Variants in AKAP12 observed in about 807,000 individuals in gnomAD.
The protein encoded by AKAP12 is A-kinase anchoring protein 12, also known as A-kinase anchor protein 12.
In AKAP12, 32 loss-of-function variants were observed where a neutral mutation model predicts 79.9. That is an observed-to-expected ratio of 0.40 (90% confidence interval 0.30 to 0.54). The LOEUF (loss-of-function observed/expected upper bound fraction) is 0.54, where lower values mean the gene tolerates loss of function less well. Among genes scored for constraint, AKAP12 ranks in the 20% least tolerant of loss-of-function variants. The pLI, the probability that AKAP12 is intolerant of heterozygous loss-of-function variation, is 0.48. For synonymous variants in AKAP12, 808 were observed against 857.0 expected (o/e 0.94, Z 1.00); for missense variants, 2,074 against 2,177.0 (o/e 0.95, Z 0.94).
At chr6:151,332,237 C>T (rs575110682) in intron 3 of AKAP12, among the ~76,000 whole-genome samples, 24 of 151,862 alleles carry the variant, frequency 1.6e-4, no homozygotes, top group South Asian at 1.0e-3. Flanking sequence ...GGGGTTTCAC[C>T]GTGTTAGCCA....
At chr6:151,263,548 C>T (rs1199000407) in intron 2 of AKAP12, among the ~76,000 whole-genome samples, 1 of 152,042 alleles carries the variant, frequency 6.6e-6, no homozygotes, top group South Asian at 2.1e-4. Flanking sequence ...CATTTTTACT[C>T]ACTATACTCT....
intron 3 of AKAP12, among the ~76,000 whole-genome samples, chr6:151,314,594 G>C (rs1777196159): frequency 6.6e-6 from 1 of 152,148 alleles, no homozygotes; most frequent in South Asian, 2.1e-4. Context: ...AAATGCCATA[G>C]CTGCTTGCCC....
intron 4 of AKAP12, among the ~76,000 whole-genome samples, chr6:151,354,407 T>G (rs563437748): frequency 1.1e-3 from 169 of 152,328 alleles, no homozygotes; most frequent in African/African-American, 3.8e-3. Context: ...GGAGTCTCGC[T>G]CTGTCATCCA....
chr6:151,354,086 G>GT (rs1180559016), intron 4 of AKAP12, among the ~76,000 whole-genome samples: 1 of 151,434 alleles, frequency 6.6e-6, no homozygotes, highest in Non-Finnish European at 1.5e-5. Context: ...CAACTATCTT[G>GT]TTGAGTTTTT....
At position 151,352,315 on chromosome 6, in the gene AKAP12, G is replaced by A; in HGVS notation, c.3924G>A (p.Gly1308=). ...KVTEVALKGE[G]TEEAECKKDD... is the part of the protein sequence containing the mutation. ...CTGAAGTTGCCCTTAAAGGTGAAGG[G>A]ACAGAAGAAGCTGAATGTAAAAAGG... Residue 1308 remains glycine, a synonymous_variant, in exon 4 of 5, where the codon GGG becomes GGA. Coordinates refer to ENST00000402676, the MANE Select transcript of AKAP12 (RefSeq NM_005100.4). 6.2e-7 allele frequency: 1 copy of A among 1,614,178 alleles called. No homozygotes were observed. The highest frequency in any genetic ancestry group is 8.5e-7 in the Non-Finnish European group (1 of 1,180,044).
chr6:151,328,184 C>T lies in AKAP12; in HGVS notation c.320-20527C>T, dbSNP rs182520256. ...CTAGTAAAAATACAAAAAAATTAGCCGGGTGTGGTGGCGGGTGCCTGTAGT... is the reference window on the plus strand; with the variant it reads ...CTAGTAAAAATACAAAAAAATTAGCTGGGTGTGGTGGCGGGTGCCTGTAGT... On this transcript the variant is annotated intron_variant, in intron 3 of 4. Transcript: ENST00000402676. 4.6e-4 allele frequency among the ~76,000 whole-genome samples: 69 copies of T among 150,970 alleles called. No homozygotes were observed. In the East Asian group the frequency reaches 9.0e-3, roughly 20 times the overall value.
chr6:151,353,777 A>C, intron 4 of AKAP12, 25 bp downstream of exon 4: 1 of 1,468,248 alleles, frequency 6.8e-7, no homozygotes, highest in South Asian at 1.5e-5. Flanking sequence ...CTTCTAAGAT[A>C]ATTTTTCTCT....
At chr6:151,259,807 C>T (rs1797383266) in intron 2 of AKAP12, among the ~76,000 whole-genome samples, 1 of 151,848 alleles carries the variant, frequency 6.6e-6, no homozygotes, top group Admixed American at 6.6e-5. Flanking sequence ...GAACTCCTGG[C>T]CTCAAGTGAT....
chr6:151,274,029 A>G (rs2114715250), intron 2 of AKAP12, among the ~76,000 whole-genome samples: 1 of 151,322 alleles, frequency 6.6e-6, no homozygotes, highest in African/African-American at 2.4e-5. Context: ...ACTCTGTCTC[A>G]AAAACAAAAA....
At chr6:151,283,536 T>C (rs1243968046) in intron 2 of AKAP12, among the ~76,000 whole-genome samples, 1 of 152,216 alleles carries the variant, frequency 6.6e-6, no homozygotes, top group Non-Finnish European at 1.5e-5. Flanking sequence ...GACTAGTGCT[T>C]ACTGTGTCAG....
chr6:151,354,664 G>T (rs770188981), intron 4 of AKAP12, among the ~76,000 whole-genome samples: 54 of 151,728 alleles, frequency 3.6e-4, no homozygotes, highest in African/African-American at 1.3e-3. Flanking sequence ...GAGCCACCAC[G>T]CCCAGCCCTA....
chr6:151,290,697 C>T (rs554759982), intron 2 of AKAP12, among the ~76,000 whole-genome samples: 4 of 152,214 alleles, frequency 2.6e-5, no homozygotes, highest in African/African-American at 9.6e-5. Flanking sequence ...CCTCTGCCTC[C>T]CAGGTTCAAG....
chr6:151,351,713 C>A lies in AKAP12; in HGVS notation c.3322C>A (p.Gln1108Lys). 1.9e-6 allele frequency: 3 copies of A among 1,614,110 alleles called. No individual in the cohort carries two copies. Among genetic ancestry groups the A allele is most frequent in the Non-Finnish European group, 2.5e-6 (3 of 1,180,034 alleles). ...GGAGGCAAAAACTGAGCCTTTTACACAAGGGAAGGTGGTGGGGCAGACCAC... is the reference window on the plus strand; with the variant it reads ...GGAGGCAAAAACTGAGCCTTTTACAAAAGGGAAGGTGGTGGGGCAGACCAC... Reference protein sequence around the residue: ...AQEAKTEPFTQGKVVGQTTPE... With the variant: ...AQEAKTEPFTKGKVVGQTTPE... The change falls in exon 4 of 5, where the codon CAA becomes AAA. Residue 1108 changes from glutamine to lysine, a missense_variant. Gln to Lys is a moderately conservative substitution (Grantham distance 53). Around this residue, in one of 3 missense-constraint regions of AKAP12, gnomAD observed 1,428 missense variants for 1,451.0 expected, o/e 0.98. Coordinates refer to ENST00000402676, the MANE Select transcript of AKAP12 (RefSeq NM_005100.4). This position sits in a 1 kb window ranked among gnomAD's most constrained non-coding sequence, Gnocchi z 4.4.
chr6:151,332,035 T>TGTTTTTGTTG (rs1448624184), intron 3 of AKAP12, among the ~76,000 whole-genome samples: 1 of 63,282 alleles, frequency 1.6e-5, no homozygotes, highest in Admixed American at 1.5e-4. Context: ...CTGGGTCTGT[T>TGTTTTTGTTG]TTTTTTTTTT....
Position 151,351,352 on chromosome 6 carries a change from C to T in AKAP12, c.2961C>T (p.Ala987=), listed in dbSNP as rs201486403. 2.4e-5 allele frequency: 38 copies of T among 1,614,110 alleles called. No individual in the cohort carries two copies. The highest frequency in any genetic ancestry group is 2.0e-4 in the Admixed American group (12 of 60,016). ...CAGAAACTGCAGGGCCATTGGGTGC[C>T]GAAGAAGGAACCGAAGCATCTGCTG... ...TAAETAGPLG[A]EEGTEASAAE... is the part of the protein sequence containing the mutation. Residue 987 remains alanine, a synonymous_variant, in exon 4 of 5, where the codon GCC becomes GCT. Transcript: ENST00000402676. This position sits in a 1 kb window ranked among gnomAD's most constrained non-coding sequence, Gnocchi z 4.4.
chr6:151,270,296 G>C (rs1776155499), intron 2 of AKAP12, among the ~76,000 whole-genome samples: 1 of 152,204 alleles, frequency 6.6e-6, no homozygotes, highest in Admixed American at 6.5e-5. Flanking sequence ...AACCTCAGGT[G>C]ATCTGCCCGC....
At chr6:151,272,822 G>C (rs1055357401) in intron 2 of AKAP12, among the ~76,000 whole-genome samples, 1 of 152,156 alleles carries the variant, frequency 6.6e-6, no homozygotes, top group Admixed American at 6.5e-5. Context: ...GTAAGGCACC[G>C]CACCCAACCC....
intron 2 of AKAP12, among the ~76,000 whole-genome samples, chr6:151,274,793 A>G (rs1776258704): frequency 6.6e-6 from 1 of 152,156 alleles, no homozygotes; most frequent in Admixed American, 6.6e-5. Context: ...ACAGTAGTAT[A>G]AAAATGGAGG....
intron 2 of AKAP12, among the ~76,000 whole-genome samples, chr6:151,304,356 G>A (rs895469591): frequency 6.6e-5 from 10 of 151,112 alleles, no homozygotes; most frequent in African/African-American, 2.2e-4. Flanking sequence ...AGGCATGGTG[G>A]TGCACGCCTG....
Sources: allele counts gnomAD v4.1 joint callset (sites outside exome capture counted in the v4.1 genomes callset), GRCh38; gene constraint gnomAD v4.1.1; regional missense constraint gnomAD v4.1.1; non-coding constraint Gnocchi (gnomAD v3.1); transcripts MANE v1.5; gene names NCBI Gene and HGNC (gene_info 2026-07-23, HGNC 2026-07-21).